The following EIF3H variants were observed in gnomAD, a reference collection of about 807,000 sequenced individuals.
EIF3H encodes eukaryotic translation initiation factor 3 subunit H.
Under a neutral mutation model 44.2 loss-of-function variants are expected in EIF3H, and 26 were observed. The observed-to-expected ratio is 0.59, with a 90% CI of 0.43 to 0.82. The LOEUF (loss-of-function observed/expected upper bound fraction) is 0.82, where lower values mean the gene tolerates loss of function less well. EIF3H is among the 40% of genes least tolerant of loss of function. The probability of loss-of-function intolerance (pLI) is 0.00; values close to 1 mark genes in which losing one functional copy is unlikely to be tolerated. For missense variants in EIF3H, 359 were observed against 432.8 expected (o/e 0.83, Z 1.51); for synonymous variants, 166 against 151.9 (o/e 1.09, Z -0.68).
chr8:116,735,350 CA>C (rs1348215112), intron 1 of EIF3H, among the ~76,000 whole-genome samples: 4 of 152,182 alleles, frequency 2.6e-5, no homozygotes, highest in African/African-American at 4.8e-5. Flanking sequence ...AAGCAGAAAA[CA>C]GTAACTACAG....
intron 1 of EIF3H, chr8:116,737,263 T>C: frequency 2.2e-6 from 1 of 449,154 alleles, no homozygotes; most frequent in South Asian, 1.6e-5. Flanking sequence ...CAATATTTTC[T>C]ATCTACGTAC....
intron 2 of EIF3H, among the ~76,000 whole-genome samples, chr8:116,696,012 T>A (rs1814264045): frequency 6.6e-6 from 1 of 152,234 alleles, no homozygotes; most frequent in African/African-American, 2.4e-5. Flanking sequence ...AATGTGTTTA[T>A]CTGTGTGTTA....
chr8:116,679,124 G>A (rs368421145), intron 2 of EIF3H, among the ~76,000 whole-genome samples: 3 of 56,260 alleles, frequency 5.3e-5, no homozygotes, highest in African/African-American at 1.9e-4. Context: ...GGGAGGGGGG[G>A]TCAGCCCCCT....
At chr8:116,645,971 A>C (rs567086903) in intron 7 of EIF3H, among the ~76,000 whole-genome samples, 1 of 152,370 alleles carries the variant, frequency 6.6e-6, no homozygotes, top group African/African-American at 2.4e-5. Context: ...GTCCTAGTAC[A>C]GGACACAGGA....
chr8:116,734,162 A>G, intron 1 of EIF3H: 1 of 407,908 alleles, frequency 2.5e-6, no homozygotes, highest in South Asian at 1.8e-5. Context: ...AGATCCTCAC[A>G]CTTTAGGAGC....
Position 116,655,861 on chromosome 8 carries a change from G to T in EIF3H, c.702C>A (p.Ala234=). Residue 234 remains alanine, a synonymous_variant, in exon 5 of 8, where the codon GCC becomes GCA. Coordinates refer to ENST00000521861, the MANE Select transcript of EIF3H (RefSeq NM_003756.3). ...CATTAGGCAGGGCCACTTACCTGCTGGCAAGGCTGAGCAATTCATGTTTAT... is the reference window on the plus strand; with the variant it reads ...CATTAGGCAGGGCCACTTACCTGCTTGCAAGGCTGAGCAATTCATGTTTAT... ...VADKHELLSL[A]SSNHLGKNLQ... is the part of the protein sequence containing the mutation. 4 of 1,613,602 alleles carry T rather than the reference G, an allele frequency of 2.5e-6. No individual in the cohort carries two copies. The highest frequency in any genetic ancestry group is 3.4e-6 in the Non-Finnish European group (4 of 1,179,692).
chr8:116,642,728 G>A lies in EIF3H; in HGVS notation c.*2278C>T, dbSNP rs973894734. 4 of 152,166 alleles carry A rather than the reference G, an allele frequency of 2.6e-5. No individual in the cohort carries two copies. The highest frequency in any genetic ancestry group is 9.7e-5 in the African/African-American group (4 of 41,444). 9.4% of individuals were successfully genotyped at this position (152,166 alleles called of 1,614,324 possible). A position where few individuals can be genotyped will look rare whatever the true frequency, so the allele number is the denominator to read the frequency against. On this transcript the variant is annotated 3_prime_UTR_variant, in exon 8 of 8. Coordinates refer to ENST00000521861, the MANE Select transcript of EIF3H (RefSeq NM_003756.3). Reference sequence around the variant, plus strand: ...AATATTTATAGAAGATGAATCACATGTATTTGTTCCTGAAAAATGTCAGAA... The same window carrying A: ...AATATTTATAGAAGATGAATCACATATATTTGTTCCTGAAAAATGTCAGAA...
intron 2 of EIF3H, among the ~76,000 whole-genome samples, chr8:116,677,013 A>T (rs985976687): frequency 6.6e-6 from 1 of 152,204 alleles, no homozygotes; most frequent in Admixed American, 6.5e-5. Flanking sequence ...AAAAGAAATA[A>T]CATACACAAA....
chr8:116,680,291 C>A (rs1284618387), intron 2 of EIF3H, among the ~76,000 whole-genome samples: 1 of 44,336 alleles, frequency 2.3e-5, no homozygotes, highest in Admixed American at 1.7e-4. Context: ...AAGTGAGGAG[C>A]CCCTCTGCCC....
chr8:116,676,526 GA>G (rs969383099), intron 2 of EIF3H, among the ~76,000 whole-genome samples: 3 of 152,138 alleles, frequency 2.0e-5, no homozygotes, highest in African/African-American at 7.2e-5. Context: ...CAGCATGGGG[GA>G]AACCGCCCCC....
chr8:116,709,014 T>C (rs1456342038), intron 2 of EIF3H, among the ~76,000 whole-genome samples: 1 of 151,942 alleles, frequency 6.6e-6, no homozygotes, highest in Non-Finnish European at 1.5e-5. Context: ...AAAAAAATTT[T>C]TTTTTGCAAT....
intron 2 of EIF3H, among the ~76,000 whole-genome samples, chr8:116,666,625 G>A (rs898166971): frequency 3.3e-5 from 5 of 151,772 alleles, no homozygotes; most frequent in African/African-American, 9.7e-5. Flanking sequence ...CAAACAAACT[G>A]AATTTACCTG....
intron 1 of EIF3H, among the ~76,000 whole-genome samples, chr8:116,742,981 T>C (rs1053859016): frequency 1.3e-5 from 2 of 152,226 alleles, no homozygotes; most frequent in Non-Finnish European, 2.9e-5. Context: ...ATCATCTTTC[T>C]AGTCAAGAGG....
intron 2 of EIF3H, among the ~76,000 whole-genome samples, chr8:116,707,269 T>A (rs367575685): frequency 6.6e-6 from 1 of 152,168 alleles, no homozygotes; most frequent in South Asian, 2.1e-4. Context: ...CTACTCCACA[T>A]AATGAATGTA....
chr8:116,666,442 T>A (rs969488070), intron 2 of EIF3H, among the ~76,000 whole-genome samples: 1 of 152,158 alleles, frequency 6.6e-6, no homozygotes, highest in Admixed American at 6.5e-5. Flanking sequence ...CAAATTTATA[T>A]TATCTTCTTA....
At position 116,693,349 on chromosome 8, in the gene EIF3H, C is replaced by G. The variant is rs561825262; in HGVS notation, c.289+32667G>C. On this transcript the variant is annotated intron_variant, in intron 2 of 7. Coordinates refer to ENST00000521861, the MANE Select transcript of EIF3H (RefSeq NM_003756.3). Reference sequence around the variant, plus strand: ...AGCTCCTTAAGAGTGAGGAGTGCTACTCTTCAGGGCCATTTTTTTTTCCAG... The same window carrying G: ...AGCTCCTTAAGAGTGAGGAGTGCTAGTCTTCAGGGCCATTTTTTTTTCCAG... Among the ~76,000 whole-genome samples, 5 of 152,262 alleles carry G rather than the reference C, an allele frequency of 3.3e-5. No homozygotes were observed. In the East Asian group the frequency reaches 9.6e-4, roughly 29 times the overall value.
intron 1 of EIF3H, among the ~76,000 whole-genome samples, chr8:116,736,054 T>C (rs746836795): frequency 3.3e-5 from 5 of 151,932 alleles, no homozygotes; most frequent in African/African-American, 4.8e-5. Flanking sequence ...TACTCAACAA[T>C]AAAAAGGTAA....
chr8:116,663,445 G>T (rs1194263932), intron 2 of EIF3H, among the ~76,000 whole-genome samples: 2 of 152,104 alleles, frequency 1.3e-5, no homozygotes, highest in Non-Finnish European at 2.9e-5. Flanking sequence ...CTAAGTTAAT[G>T]TCTAAATATT....
At chr8:116,698,128 C>T (rs1422930746) in intron 2 of EIF3H, among the ~76,000 whole-genome samples, 1 of 152,042 alleles carries the variant, frequency 6.6e-6, no homozygotes, top group Non-Finnish European at 1.5e-5. Context: ...ACCCGAGGGC[C>T]ATTATCATGG....
Sources: gnomAD v4.1 joint callset for allele counts (sites outside exome capture counted in the v4.1 genomes callset) on GRCh38, gnomAD v4.1.1 for gene constraint, MANE v1.5 for transcripts, NCBI Gene and HGNC (gene_info 2026-07-23, HGNC 2026-07-21) for gene names.